NFYC: variants seen among roughly 807,000 people sequenced by gnomAD.
The protein encoded by NFYC is CAAT box DNA-binding protein subunit C.
Under a neutral mutation model 53.1 loss-of-function variants are expected in NFYC, and 25 were observed. That is an observed-to-expected ratio of 0.47 (90% CI 0.34 to 0.66). NFYC has a LOEUF of 0.66. Among genes scored for constraint, NFYC ranks in the 30% least tolerant of loss-of-function variants. The pLI, the probability that NFYC is intolerant of heterozygous loss-of-function variation, is 0.01. For missense variants in NFYC, 260 were observed against 422.7 expected (o/e 0.62, Z 3.38); for synonymous variants, 145 against 152.6 (o/e 0.95, Z 0.37).
Position 40,770,599 on chromosome 1 carries a change from A to G in NFYC, c.889-110A>G. ...TCCCCTCCTCCTTCTGACGCCTTGC[A>G]GTGGGTGGTGGTTGAGGTATCTGGG... On this transcript the variant is annotated intron_variant, in intron 9 of 9. Coordinates refer to ENST00000447388, the MANE Select transcript of NFYC (RefSeq NM_014223.5). The surrounding 1 kb of genome is among the most constrained non-coding windows in gnomAD (Gnocchi z 5.3). 2.5e-6 allele frequency: 4 copies of G among 1,613,558 alleles called. No homozygotes were observed. The highest frequency in any genetic ancestry group is 3.4e-6 in the Non-Finnish European group (4 of 1,179,794).
chr1:40,738,051 C>T (rs192575925), intron 1 of NFYC, among the ~76,000 whole-genome samples: 2 of 151,704 alleles, frequency 1.3e-5, no homozygotes, highest in African/African-American at 2.4e-5. Flanking sequence ...TACAGGCGCC[C>T]GCCACTACGC....
At chr1:40,713,183 A>G (rs475268) in intron 1 of NFYC, among the ~76,000 whole-genome samples, 18,692 of 152,096 alleles carry the variant, frequency 0.12, 1,273 homozygotes, top group African/African-American at 0.15. Context: ...TATTTTTAGG[A>G]CTTCCTTTTT....
At chr1:40,763,985 A>G (rs1479599288) in intron 7 of NFYC, among the ~76,000 whole-genome samples, 2 of 152,192 alleles carry the variant, frequency 1.3e-5, no homozygotes, top group Non-Finnish European at 2.9e-5. Context: ...AGCAAAGTGT[A>G]TTTTTGGCTT....
chr1:40,718,701 T>C (rs1644226422), intron 1 of NFYC, among the ~76,000 whole-genome samples: 1 of 152,230 alleles, frequency 6.6e-6, no homozygotes, highest in South Asian at 2.1e-4. Context: ...TGAAGGATTT[T>C]TTCCAAATAG....
chr1:40,765,383 C>A (rs1035741131), intron 7 of NFYC, among the ~76,000 whole-genome samples: 1 of 152,174 alleles, frequency 6.6e-6, no homozygotes, highest in African/African-American at 2.4e-5. Flanking sequence ...GTCGTTTTTT[C>A]TCGGTAGTTC....
chr1:40,769,270 G>T, intron 8 of NFYC, 86 bp from the exon 9 acceptor site: 1 of 1,366,534 alleles, frequency 7.3e-7, no homozygotes, highest in South Asian at 1.2e-5. Context: ...TGTCTCATTT[G>T]ATCTTTATGA....
At chr1:40,753,387 C>G (rs1434095379) in intron 5 of NFYC, 141 bp downstream of exon 5, 1 of 578,462 alleles carries the variant, frequency 1.7e-6, no homozygotes, top group Non-Finnish European at 3.1e-6. Context: ...TTCTTAACAT[C>G]TCCTTCTGTT....
At chr1:40,741,426 G>A (rs930205246) in intron 2 of NFYC, among the ~76,000 whole-genome samples, 1 of 152,086 alleles carries the variant, frequency 6.6e-6, no homozygotes, top group Non-Finnish European at 1.5e-5. Context: ...GATAGGCTAG[G>A]TGTAGTAAAT....
chr1:40,712,348 CT>C (rs1643956228), intron 1 of NFYC: 1 of 152,092 alleles, frequency 6.6e-6, no homozygotes, highest in Non-Finnish European at 1.5e-5. Flanking sequence ...TTAAGGACCT[CT>C]CAGAATAGGA....
intron 1 of NFYC, among the ~76,000 whole-genome samples, chr1:40,737,901 C>CTTTTTTTTTTTTTTTTTTT (rs530348029): frequency 9.7e-5 from 12 of 123,158 alleles, no homozygotes; most frequent in African/African-American, 3.8e-4. Flanking sequence ...TGCTCTCTCT[C>CTTTTTTTTTTTTTTTTTTT]TTTTTTTTTT....
intron 1 of NFYC, among the ~76,000 whole-genome samples, chr1:40,718,189 T>G (rs999730009): frequency 6.6e-6 from 1 of 152,200 alleles, no homozygotes; most frequent in Non-Finnish European, 1.5e-5. Flanking sequence ...ATGCAGTGTT[T>G]ATATGAATAG....
chr1:40,696,478 C>G (rs1643152385), intron 1 of NFYC, among the ~76,000 whole-genome samples: 1 of 152,218 alleles, frequency 6.6e-6, no homozygotes, highest in Admixed American at 6.5e-5. Context: ...TGTACTGAGG[C>G]TCCAAAAGAG....
intron 5 of NFYC, chr1:40,757,236 C>T: frequency 4.5e-6 from 2 of 443,730 alleles, no homozygotes; most frequent in Non-Finnish European, 5.0e-6. Context: ...AGACGCCGTT[C>T]TGTGTCAGTG....
chr1:40,724,586 T>C (rs1316623117), intron 1 of NFYC, among the ~76,000 whole-genome samples: 5 of 152,200 alleles, frequency 3.3e-5, no homozygotes, highest in Non-Finnish European at 5.9e-5. Flanking sequence ...AGTTTGAGCA[T>C]TGAAAGGATG....
chr1:40,751,746 A>G (rs933350567), intron 4 of NFYC, among the ~76,000 whole-genome samples: 3 of 152,218 alleles, frequency 2.0e-5, no homozygotes, highest in Admixed American at 6.5e-5. Context: ...AGAATATTTT[A>G]TTATATGCTG....
chr1:40,753,707 C>T (rs1056588749), intron 5 of NFYC, among the ~76,000 whole-genome samples: 1 of 152,148 alleles, frequency 6.6e-6, no homozygotes, highest in African/African-American at 2.4e-5. Context: ...ACTAGAATCA[C>T]CTGTTGGGGT....
intron 1 of NFYC, among the ~76,000 whole-genome samples, chr1:40,729,463 C>G (rs2148533449): frequency 6.6e-6 from 1 of 152,306 alleles, no homozygotes; most frequent in South Asian, 2.1e-4. Context: ...GGGCATTGCT[C>G]CACATTAGGC....
At chr1:40,749,472 TGACCC>T in intron 3 of NFYC, 96 bp from the exon 4 acceptor site, 7 of 852,916 alleles carry the variant, frequency 8.2e-6, no homozygotes, top group Admixed American at 3.8e-5. Flanking sequence ...CCTCATTTTT[TGACCC>T]TTGCCCCATA....
intron 1 of NFYC, among the ~76,000 whole-genome samples, chr1:40,728,610 C>CCA (rs905240101): frequency 1.2e-4 from 18 of 151,832 alleles, no homozygotes; most frequent in African/African-American, 4.4e-4. Flanking sequence ...AAACAAAACT[C>CCA]TGATGGAGTT....
Sources: allele counts gnomAD v4.1 joint callset (sites outside exome capture counted in the v4.1 genomes callset), GRCh38; gene constraint gnomAD v4.1.1; non-coding constraint Gnocchi (gnomAD v3.1); transcripts MANE v1.5; gene names NCBI Gene and HGNC (gene_info 2026-07-23, HGNC 2026-07-21).